CAPN5: variants seen among roughly 807,000 people sequenced by gnomAD.
CAPN5 encodes the protein calpain 5, also known as calpain-5.
CAPN5 carries 54 observed loss-of-function variants against 73.0 expected under a neutral mutation model. The ratio of observed to expected loss-of-function variants is 0.74; its 90% CI spans 0.59 to 0.93. The LOEUF is 0.93. Among genes scored for constraint, CAPN5 ranks in the 40% least tolerant of loss-of-function variants. The pLI is 0.00. For synonymous variants in CAPN5, 335 were observed against 356.9 expected (o/e 0.94, Z 0.69); for missense variants, 785 against 882.9 (o/e 0.89, Z 1.41).
chr11:77,122,531 G>GCCCCCCCCCCCCCC (rs782257961), intron 11 of CAPN5, 45 bp from the exon 12 acceptor site: 1 of 1,228,398 alleles, frequency 8.1e-7, no homozygotes. Context: ...CCCTGCCACA[G>GCCCCCCCCCCCCCC]CCCCCACCCC....
chr11:77,120,806 G>C lies in CAPN5; in HGVS notation c.1384G>C (p.Asp462His), dbSNP rs376684485. The change falls in exon 10 of 13, where the codon GAC becomes CAC. Residue 462 changes from aspartate to histidine, a missense_variant. Asp to His is a moderately conservative substitution (Grantham distance 81). Coordinates refer to ENST00000648180, the MANE Select transcript of CAPN5 (RefSeq NM_004055.5). ...CTCACGCAGCGTCTTCCTGCGCACCGACCAGCCCGAGGGCCGCTATGTCAT... is the reference window on the plus strand; with the variant it reads ...CTCACGCAGCGTCTTCCTGCGCACCCACCAGCCCGAGGGCCGCTATGTCAT... ...INSRSVFLRT[D>H]QPEGRYVIIP... 1 of 1,614,100 alleles carries C rather than the reference G, an allele frequency of 6.2e-7. No individual in the cohort carries two copies. Among genetic ancestry groups the C allele is most frequent in the Non-Finnish European group, 8.5e-7 (1 of 1,179,984 alleles).
Position 77,103,478 on chromosome 11 carries a change from C to T in CAPN5, c.298-9111C>T, listed in dbSNP as rs560369826. On this transcript the variant is annotated intron_variant, in intron 3 of 12. Coordinates refer to ENST00000648180, the MANE Select transcript of CAPN5 (RefSeq NM_004055.5). ...GAGGCCCCCTGAGTCCCACACCTTTCCTCCTCTGCTTCTCCCTGGGGCCAG... is the reference window on the plus strand; with the variant it reads ...GAGGCCCCCTGAGTCCCACACCTTTTCTCCTCTGCTTCTCCCTGGGGCCAG... The T allele has an allele frequency of 7.1e-5, 65 of 915,080 alleles. 2 individuals carry two copies. The South Asian group carries it at 1.0e-3, about 14-fold the overall frequency. 56.7% of individuals were successfully genotyped at this position (915,080 alleles called of 1,614,324 possible).
chr11:77,117,411 C>A (rs372878153), intron 7 of CAPN5, among the ~76,000 whole-genome samples: 3 of 152,114 alleles, frequency 2.0e-5, no homozygotes, highest in African/African-American at 7.2e-5. Context: ...TCTGTCAGGG[C>A]CCCCAGGCAG....
chr11:77,093,861 G>A, intron 3 of CAPN5, 48 bp downstream of exon 3: 1 of 1,591,760 alleles, frequency 6.3e-7, no homozygotes, highest in East Asian at 2.2e-5. Flanking sequence ...TGTGAACGCA[G>A]CCTGTGGCCC....
chr11:77,116,275 G>A lies in CAPN5; in HGVS notation c.943G>A (p.Val315Met). 2 of 1,613,786 alleles carry A rather than the reference G, an allele frequency of 1.2e-6. No homozygotes were observed. The highest frequency in any genetic ancestry group is 1.7e-6 in the Non-Finnish European group (2 of 1,179,890). ...VSKSEREKMGVTVQDDGEFWM... is the reference protein window; with the variant it reads ...VSKSEREKMGMTVQDDGEFWM... ...CAAGAGTGAGCGGGAGAAGATGGGT[G>A]TGACCGTGCAGGACGACGGTGAGTT... The change falls in exon 7 of 13, where the codon GTG becomes ATG. Residue 315 changes from valine to methionine, a missense_variant. Transcript: ENST00000648180.
At chr11:77,077,527 ATT>A (rs532375338) in intron 1 of CAPN5, among the ~76,000 whole-genome samples, 4 of 145,124 alleles carry the variant, frequency 2.8e-5, no homozygotes, top group African/African-American at 7.5e-5. Flanking sequence ...GAGCTTTTTA[ATT>A]TTTTTTTTTT....
intron 3 of CAPN5, 75 bp downstream of exon 3, chr11:77,093,888 G>A (rs550441892): frequency 6.8e-5 from 106 of 1,561,494 alleles, no homozygotes; most frequent in East Asian, 1.1e-4. Flanking sequence ...CCAGACAGGC[G>A]GAACCTGATT....
intron 3 of CAPN5, among the ~76,000 whole-genome samples, chr11:77,106,246 T>C (rs73493643): frequency 0.041 from 6,133 of 149,436 alleles, 155 homozygotes; most frequent in African/African-American, 0.062. Context: ...CGCAGAACCC[T>C]TCCCCAGCCC....
At chr11:77,097,079 A>G (rs1034254867) in intron 3 of CAPN5, among the ~76,000 whole-genome samples, 3 of 152,070 alleles carry the variant, frequency 2.0e-5, no homozygotes, top group African/African-American at 4.8e-5. Context: ...AAAATTAGCC[A>G]GGCGTGGTGG....
intron 7 of CAPN5, 29 bp from the exon 8 acceptor site, chr11:77,118,128 T>A (rs1276895148): frequency 1.3e-6 from 2 of 1,583,380 alleles, no homozygotes; most frequent in Non-Finnish European, 1.7e-6. Context: ...GTGGGGGAGG[T>A]ACCCTGCTCA....
At chr11:77,110,685 G>T (rs1329957565) in intron 3 of CAPN5, among the ~76,000 whole-genome samples, 1 of 152,218 alleles carries the variant, frequency 6.6e-6, no homozygotes, top group African/African-American at 2.4e-5. Context: ...GGCTCCATTA[G>T]GGCAGTAGTA....
chr11:77,114,515 C>T (rs1332038368), intron 5 of CAPN5, 81 bp downstream of exon 5: 22 of 1,306,788 alleles, frequency 1.7e-5, no homozygotes, highest in African/African-American at 1.2e-4. Context: ...TGACATCCCA[C>T]GCTCAGGTCA....
intron 3 of CAPN5, among the ~76,000 whole-genome samples, chr11:77,101,638 T>G (rs1950285528): frequency 6.6e-6 from 1 of 152,206 alleles, no homozygotes; most frequent in South Asian, 2.1e-4. Context: ...CAATTGACCG[T>G]GCTTGTGGTC....
At chr11:77,098,353 G>C (rs1156318306) in intron 3 of CAPN5, among the ~76,000 whole-genome samples, 2 of 107,504 alleles carry the variant, frequency 1.9e-5, no homozygotes, top group African/African-American at 3.6e-5. Flanking sequence ...CCTCCGGGAC[G>C]GGGCAGCTGG....
chr11:77,117,186 T>C (rs1045067621), intron 7 of CAPN5, among the ~76,000 whole-genome samples: 4 of 152,088 alleles, frequency 2.6e-5, no homozygotes, highest in African/African-American at 9.7e-5. Flanking sequence ...TAGTGAGCCA[T>C]GATCGCACCA....
intron 1 of CAPN5, 87 bp from the exon 2 acceptor site, chr11:77,084,765 G>A (rs1591116676): frequency 8.3e-6 from 10 of 1,209,006 alleles, no homozygotes; most frequent in Admixed American, 1.9e-5. Context: ...CCGTGCCTGT[G>A]CCATGGGGCT....
At chr11:77,069,213 G>T (rs1949876442) in intron 1 of CAPN5, among the ~76,000 whole-genome samples, 1 of 152,182 alleles carries the variant, frequency 6.6e-6, no homozygotes, top group South Asian at 2.1e-4. Flanking sequence ...GCGGAATGGG[G>T]ATAAATGCTG....
intron 1 of CAPN5, among the ~76,000 whole-genome samples, chr11:77,071,385 T>A (rs1949904958): frequency 6.6e-6 from 1 of 152,214 alleles, no homozygotes; most frequent in African/African-American, 2.4e-5. Flanking sequence ...GACAGCGTGC[T>A]GGGCCTTTCA....
chr11:77,096,454 C>T (rs1313473035), intron 3 of CAPN5, among the ~76,000 whole-genome samples: 1 of 152,212 alleles, frequency 6.6e-6, no homozygotes, highest in East Asian at 1.9e-4. Flanking sequence ...GCACTTGTTA[C>T]TTTCCCTCCC....
Sources: gnomAD v4.1 joint callset for allele counts (sites outside exome capture counted in the v4.1 genomes callset) on GRCh38, gnomAD v4.1.1 for gene constraint, MANE v1.5 for transcripts, NCBI Gene and HGNC (gene_info 2026-07-23, HGNC 2026-07-21) for gene names.